SYNJ2: variants seen among roughly 807,000 people sequenced by gnomAD.
The protein encoded by SYNJ2 is synaptojanin 2, also known as polyphosphatidylinositol phosphatase SYNJ2.
A neutral mutation model predicts 141.3 loss-of-function variants in SYNJ2; 116 were observed. That is an observed-to-expected ratio of 0.82 (90% confidence interval 0.71 to 0.96). The LOEUF (loss-of-function observed/expected upper bound fraction) is 0.96. SYNJ2 is among the 40% of genes least tolerant of loss of function. The probability of loss-of-function intolerance (pLI) is 0.00; values close to 1 mark genes in which losing one functional copy is unlikely to be tolerated. For missense variants in SYNJ2, 1,873 were observed against 1,934.8 expected, an observed-to-expected ratio of 0.97 and a Z score of 0.60; for synonymous variants, 745 against 777.7, an observed-to-expected ratio of 0.96 and a Z score of 0.70.
chr6:158,069,780 C>G (rs978358321), intron 14 of SYNJ2, 107 bp downstream of exon 14: 3 of 1,319,190 alleles, frequency 2.3e-6, no homozygotes, highest in Non-Finnish European at 3.0e-6. Context: ...TAACAGGAAT[C>G]GGGACTTACC....
rs1413723780 is a variant in SYNJ2 at position 158,081,456 on chromosome 6, A to G, written c.2811A>G (p.Val937=). 4 of 1,613,888 alleles carry G rather than the reference A, an allele frequency of 2.5e-6. No individual in the cohort carries two copies. The highest frequency in any genetic ancestry group is 2.5e-6 in the Non-Finnish European group (3 of 1,180,006). ...LVRINQGQML[V]TFADSHSALS... ...GGATCAACCAAGGGCAGATGCTGGT[A>G]ACTTTTGCAGACAGTCACTCGGCTC... is the stretch of plus-strand genomic sequence containing the variant. Residue 937 remains valine, a synonymous_variant, in exon 20 of 27, where the codon GTA becomes GTG. Coordinates refer to ENST00000355585, the MANE Select transcript of SYNJ2 (RefSeq NM_003898.4).
intron 5 of SYNJ2, among the ~76,000 whole-genome samples, chr6:158,052,487 G>T (rs1431721359): frequency 6.6e-6 from 1 of 152,206 alleles, no homozygotes; most frequent in South Asian, 2.1e-4. Flanking sequence ...GAAGCATGGT[G>T]CCAGCATCTG....
chr6:158,041,717 T>C (rs1026846773), intron 4 of SYNJ2, among the ~76,000 whole-genome samples: 3 of 152,150 alleles, frequency 2.0e-5, no homozygotes, highest in African/African-American at 7.2e-5. Flanking sequence ...GTTTTTGTTG[T>C]TGTTTGGTGT....
intron 8 of SYNJ2, among the ~76,000 whole-genome samples, chr6:158,063,515 C>A (rs531604839): frequency 6.6e-6 from 1 of 151,814 alleles, no homozygotes; most frequent in Non-Finnish European, 1.5e-5. Context: ...AAAAATTAGC[C>A]GGGTGTGATG....
Position 158,044,257 on chromosome 6 carries a change from C to T in SYNJ2, c.795+858C>T, listed in dbSNP as rs544469027. On this transcript the variant is annotated intron_variant, in intron 5 of 26. Transcript: ENST00000355585. ...CCAGGTTCCAGGGGGTGTTTGACAACGCTGGACTCAGGGTCCCCAGTCCTG... is the reference window on the plus strand; with the variant it reads ...CCAGGTTCCAGGGGGTGTTTGACAATGCTGGACTCAGGGTCCCCAGTCCTG... Among the ~76,000 whole-genome samples the T allele has an allele frequency of 5.7e-4, 87 of 152,310 alleles. 1 individual carries two copies. Among genetic ancestry groups the T allele is most frequent in the African/African-American group, 1.8e-3 (75 of 41,568 alleles).
In SYNJ2 at chr6:158,071,044, G is replaced by C. The variant is rs948081988; in HGVS notation, c.1941-558G>C. Among the ~76,000 whole-genome samples the C allele has an allele frequency of 1.3e-5, 2 of 152,216 alleles. No homozygotes were observed. The highest frequency in any genetic ancestry group is 3.9e-4 in the East Asian group (2 of 5,182). ...CTAAAAATACAAAAATTAGCCGGGCGTGATGGTGGGTACCTGTAATCCCAG... is the reference window on the plus strand; with the variant it reads ...CTAAAAATACAAAAATTAGCCGGGCCTGATGGTGGGTACCTGTAATCCCAG... On this transcript the variant is annotated intron_variant, in intron 14 of 26. Transcript: ENST00000355585. This position sits in a 1 kb window ranked among gnomAD's most constrained non-coding sequence, Gnocchi z 4.3.
At chr6:158,001,753 G>C (rs549433213) in intron 1 of SYNJ2, 1 of 152,338 alleles carries the variant, frequency 6.6e-6, no homozygotes, top group African/African-American at 2.4e-5. Context: ...CTCTGGTACA[G>C]TGGACAGCCT....
intron 7 of SYNJ2, among the ~76,000 whole-genome samples, chr6:158,061,381 A>C (rs1781208891): frequency 6.6e-6 from 1 of 152,202 alleles, no homozygotes. Context: ...GAGGGCTCTT[A>C]AGGGCATCCT....
chr6:158,065,404 G>A (rs1296302032), intron 11 of SYNJ2, among the ~76,000 whole-genome samples: 2 of 152,160 alleles, frequency 1.3e-5, no homozygotes, highest in African/African-American at 2.4e-5. Context: ...CTTGGCCCCT[G>A]AGGACCCTGT....
chr6:158,073,886 T>C (rs1782097144), intron 15 of SYNJ2, among the ~76,000 whole-genome samples: 1 of 135,080 alleles, frequency 7.4e-6, no homozygotes, highest in Non-Finnish European at 1.6e-5. Context: ...GCAAGTGCCT[T>C]TGTTTCTGAA....
At chr6:158,065,019 C>A in intron 11 of SYNJ2, 28 bp downstream of exon 11, 1 of 1,509,070 alleles carries the variant, frequency 6.6e-7, no homozygotes, top group South Asian at 1.3e-5. Flanking sequence ...CAGGGCGAGG[C>A]AGGGAGGTAG....
chr6:158,062,250 G>T, intron 8 of SYNJ2, 86 bp downstream of exon 8: 1 of 1,551,822 alleles, frequency 6.4e-7, no homozygotes, highest in South Asian at 1.2e-5. Context: ...TGTGCCTTCT[G>T]CTGGGTGAGG....
At chr6:157,981,333 G>C (rs927345974), upstream of SYNJ2, among the ~76,000 whole-genome samples, 1 of 152,196 alleles carries the variant, frequency 6.6e-6, no homozygotes, top group African/African-American at 2.4e-5. The surrounding 1 kb of genome is among the most constrained non-coding windows in gnomAD (Gnocchi z 6.4). Flanking sequence ...TCTCCAGCCC[G>C]CTCCACGCGC....
Position 158,028,910 on chromosome 6 carries a change from C to T in SYNJ2, c.369C>T (p.Ile123=). The T allele has an allele frequency of 1.2e-6, 2 of 1,614,206 alleles. No individual in the cohort carries two copies. Among genetic ancestry groups the T allele is most frequent in the African/African-American group, 1.3e-5 (1 of 75,048 alleles). Reference sequence around the variant, plus strand: ...AACGCCTCATAGCTTTGAAGAAAATCCTCAGCTCGGGGGTGTTCTATTTCT... The same window carrying T: ...AACGCCTCATAGCTTTGAAGAAAATTCTCAGCTCGGGGGTGTTCTATTTCT... ...EEERLIALKK[I]LSSGVFYFSW... Residue 123 remains isoleucine, a synonymous_variant, in exon 3 of 27, where the codon ATC becomes ATT. Coordinates refer to ENST00000355585, the MANE Select transcript of SYNJ2 (RefSeq NM_003898.4).
intron 7 of SYNJ2, among the ~76,000 whole-genome samples, chr6:158,060,076 C>G (rs933260410): frequency 3.9e-5 from 6 of 152,230 alleles, no homozygotes; most frequent in African/African-American, 1.4e-4. Context: ...CCACAGGGCA[C>G]CCGGCCTCAG....
At chr6:158,073,670 A>G (rs7755331) in intron 15 of SYNJ2, among the ~76,000 whole-genome samples, 108,183 of 152,142 alleles carry the variant, frequency 0.71, 38,738 homozygotes, top group East Asian at 0.88. Flanking sequence ...CACAGAGAAC[A>G]TTTCGGTGCT....
At chr6:158,088,033 A>ATTTTT (rs1783181510) in intron 23 of SYNJ2, among the ~76,000 whole-genome samples, 3 of 36,814 alleles carry the variant, frequency 8.1e-5, no homozygotes, top group Non-Finnish European at 1.7e-4. Context: ...CCTGCTTTGG[A>ATTTTT]ATTTTTTTTT....
chr6:157,984,989 G>A (rs528812127), intron 1 of SYNJ2, among the ~76,000 whole-genome samples: 27 of 152,326 alleles, frequency 1.8e-4, no homozygotes, highest in African/African-American at 6.5e-4. Context: ...CGCTGCGGAT[G>A]CACATAGCTG....
At chr6:158,024,803 A>G (rs1159292151) in intron 2 of SYNJ2, among the ~76,000 whole-genome samples, 1 of 152,220 alleles carries the variant, frequency 6.6e-6, no homozygotes, top group African/African-American at 2.4e-5. Flanking sequence ...TGTGGTAAGA[A>G]AGAGCATGCT....
Sources: gnomAD v4.1 joint callset for allele counts (sites outside exome capture counted in the v4.1 genomes callset) on GRCh38, gnomAD v4.1.1 for gene constraint, Gnocchi (gnomAD v3.1) non-coding constraint, MANE v1.5 for transcripts, NCBI Gene and HGNC (gene_info 2026-07-23, HGNC 2026-07-21) for gene names.